GOLIM4: variants seen among roughly 807,000 people sequenced by gnomAD.
The protein encoded by GOLIM4 is golgi integral membrane protein 4, also known as 130 kDa golgi-localized phosphoprotein.
In GOLIM4, 71 loss-of-function variants were observed where a neutral mutation model predicts 107.4. That is an observed-to-expected ratio of 0.66 (90% CI 0.55 to 0.81). The LOEUF (loss-of-function observed/expected upper bound fraction) is 0.81, where lower values mean the gene tolerates loss of function less well. Ranked by LOEUF, GOLIM4 falls within the 30% of genes least tolerant of loss-of-function variation. GOLIM4 has a pLI of 0.00. For synonymous variants in GOLIM4, 327 were observed against 294.8 expected, an observed-to-expected ratio of 1.11 and a Z score of -1.12; for missense variants, 830 against 826.1, an observed-to-expected ratio of 1.00 and a Z score of -0.06.
At chr3:168,063,955 A>C (rs1720412902) in intron 1 of GOLIM4, among the ~76,000 whole-genome samples, 1 of 152,166 alleles carries the variant, frequency 6.6e-6, no homozygotes, top group South Asian at 2.1e-4. Flanking sequence ...ACTTCTGAGG[A>C]TGATGTGACA....
chr3:168,035,305 G>A (rs185992197), intron 8 of GOLIM4, among the ~76,000 whole-genome samples: 2 of 152,234 alleles, frequency 1.3e-5, no homozygotes, highest in East Asian at 1.9e-4. Context: ...CCCATTACTG[G>A]GTATATGCCC....
At chr3:168,044,311 C>T (rs1719183940) in intron 4 of GOLIM4, among the ~76,000 whole-genome samples, 2 of 152,168 alleles carry the variant, frequency 1.3e-5, no homozygotes, top group African/African-American at 4.8e-5. Context: ...CCCGTCTCTT[C>T]CAGCTTGACA....
chr3:168,052,812 T>C (rs1719730463), intron 1 of GOLIM4, among the ~76,000 whole-genome samples: 1 of 152,198 alleles, frequency 6.6e-6, no homozygotes, highest in Non-Finnish European at 1.5e-5. Flanking sequence ...TCAGTCAAGA[T>C]GAACTAATGC....
At chr3:168,059,757 G>C (rs1720158071) in intron 1 of GOLIM4, among the ~76,000 whole-genome samples, 1 of 152,142 alleles carries the variant, frequency 6.6e-6, no homozygotes, top group South Asian at 2.1e-4. Context: ...GGGGAGAATG[G>C]GCCAGGCTGC....
chr3:168,070,545 C>T (rs749131003), intron 1 of GOLIM4, among the ~76,000 whole-genome samples: 1 of 152,178 alleles, frequency 6.6e-6, no homozygotes, highest in Non-Finnish European at 1.5e-5. Context: ...AAGTAATTTT[C>T]TATCTGGTGA....
At chr3:168,037,064 A>ATCTATGAATGCC in intron 7 of GOLIM4, 70 bp from the exon 8 acceptor site, 92 of 1,004,610 alleles carry the variant, frequency 9.2e-5, no homozygotes, top group Non-Finnish European at 1.1e-4. Flanking sequence ...ATTTGGGTAC[A>ATCTATGAATGCC]CTGTAAAACT....
At chr3:168,092,458 G>C (rs1162152879) in intron 1 of GOLIM4, among the ~76,000 whole-genome samples, 1 of 152,150 alleles carries the variant, frequency 6.6e-6, no homozygotes, top group African/African-American at 2.4e-5. Context: ...ACTTTCAAAG[G>C]AATCTATGGA....
chr3:168,022,444 C>G (rs1169742863), intron 14 of GOLIM4, among the ~76,000 whole-genome samples: 1 of 152,062 alleles, frequency 6.6e-6, no homozygotes, highest in Admixed American at 6.5e-5. Context: ...ATAAACAATG[C>G]AGTATGTGTT....
intron 1 of GOLIM4, among the ~76,000 whole-genome samples, chr3:168,088,999 T>C (rs1721763213): frequency 6.6e-6 from 1 of 152,236 alleles, no homozygotes; most frequent in Non-Finnish European, 1.5e-5. Context: ...AGAGTTGGCA[T>C]GTTACATATT....
chr3:168,045,021 C>T (rs1322456628), intron 3 of GOLIM4, 140 bp from the exon 4 acceptor site: 3 of 535,284 alleles, frequency 5.6e-6, no homozygotes, highest in Non-Finnish European at 9.7e-6. Context: ...ACCAAGATGT[C>T]GCTGGAGCCA....
chr3:168,036,714 T>C (rs1718669819), intron 8 of GOLIM4, 122 bp downstream of exon 8: 1 of 697,566 alleles, frequency 1.4e-6, no homozygotes, highest in South Asian at 2.4e-5. Context: ...GCAATTCTGA[T>C]ATACTAAAAT....
At chr3:168,053,870 A>C (rs1719787213) in intron 1 of GOLIM4, among the ~76,000 whole-genome samples, 1 of 152,126 alleles carries the variant, frequency 6.6e-6, no homozygotes, top group Non-Finnish European at 1.5e-5. Flanking sequence ...AATACTGGAG[A>C]TCTCCTAGAA....
rs35124035 is a variant in GOLIM4, at chr3:168,055,801, C to CAAA, written c.188-7439_188-7437dup. 8.3e-3 allele frequency among the ~76,000 whole-genome samples: 867 copies of CAAA among 103,954 alleles called. 15 individuals carry two copies. The highest frequency in any genetic ancestry group is 0.021 in the African/African-American group (541 of 26,292). The allele number at this position is 103,954 out of a possible 152,430, so 68.2% of individuals were successfully genotyped here. A position where few individuals can be genotyped will look rare whatever the true frequency, so the allele number is the denominator to read the frequency against. ...TGGGCGACAGAGCAAGACTCTGTCTCAAAAAAAAAAAAAAAAGAGGTGACT... is the reference window on the plus strand; with the variant it reads ...TGGGCGACAGAGCAAGACTCTGTCTCAAAAAAAAAAAAAAAAAAAGAGGTGACT... On this transcript the variant is annotated intron_variant, in intron 1 of 15. Transcript: ENST00000470487.
Position 168,095,096 on chromosome 3 carries a change from T to C in GOLIM4, c.187+3A>G. On this transcript the variant is annotated splice_donor_region_variant and intron_variant, in intron 1 of 15. Transcript: ENST00000470487. ...CCGGCTGCGCGCGTCCCGTTAGCCG[T>C]ACCTTGTAACTGGGCGGAGAGGGAC... is the stretch of plus-strand genomic sequence containing the variant. 1 of 1,596,054 alleles carries C rather than the reference T, an allele frequency of 6.3e-7. No individual in the cohort carries two copies. Among genetic ancestry groups the C allele is most frequent in the Non-Finnish European group, 8.6e-7 (1 of 1,166,704 alleles).
chr3:168,010,042 T>A lies in GOLIM4; in HGVS notation c.*227A>T. On this transcript the variant is annotated 3_prime_UTR_variant, in exon 16 of 16. Coordinates refer to ENST00000470487, the MANE Select transcript of GOLIM4 (RefSeq NM_014498.5). ...GACGTGGGGGCTCAGGTTTACTTTA[T>A]TGTTTTTCTTCTTTTTCATGTTTAG... is the stretch of plus-strand genomic sequence containing the variant. The A allele has an allele frequency of 2.7e-6, 1 of 374,348 alleles. No individual in the cohort carries two copies. Among genetic ancestry groups the A allele is most frequent in the Non-Finnish European group, 4.7e-6 (1 of 213,952 alleles). The allele number at this position is 374,348 out of a possible 1,614,324, so 23.2% of individuals were successfully genotyped here.
chr3:168,086,470 C>A (rs964554238), intron 1 of GOLIM4, among the ~76,000 whole-genome samples: 1 of 152,110 alleles, frequency 6.6e-6, no homozygotes, highest in Non-Finnish European at 1.5e-5. Flanking sequence ...GAGATGTGAA[C>A]TGGAAAATGA....
At chr3:168,092,844 A>T (rs1721980866) in intron 1 of GOLIM4, among the ~76,000 whole-genome samples, 1 of 152,256 alleles carries the variant, frequency 6.6e-6, no homozygotes, top group African/African-American at 2.4e-5. Flanking sequence ...GAATCCACAA[A>T]AAACAAAAAC....
chr3:168,024,949 T>C lies in GOLIM4; in HGVS notation c.1770A>G (p.Thr590=), dbSNP rs769402590. 4.3e-6 allele frequency: 7 copies of C among 1,613,968 alleles called. No homozygotes were observed. The highest frequency in any genetic ancestry group is 5.9e-6 in the Non-Finnish European group (7 of 1,179,948). Residue 590 remains threonine, a synonymous_variant, in exon 13 of 16, where the codon ACA becomes ACG. Coordinates refer to ENST00000470487, the MANE Select transcript of GOLIM4 (RefSeq NM_014498.5). The stretch of plus-strand genomic sequence containing the variant: ...TTACCACCAAATGTTCCTCCACTTC[T>C]GTATTCTCTTGCTTTTGATTACTTT... ...QKQSNQKQEN[T]EVEEHLVMAG...
chr3:168,080,764 C>T (rs1721320112), intron 1 of GOLIM4, among the ~76,000 whole-genome samples: 2 of 152,116 alleles, frequency 1.3e-5, no homozygotes, highest in Non-Finnish European at 1.5e-5. Context: ...GGACTTTCCC[C>T]ACAACGTTGG....
Sources: allele counts gnomAD v4.1 joint callset (sites outside exome capture counted in the v4.1 genomes callset), GRCh38; gene constraint gnomAD v4.1.1; transcripts MANE v1.5; gene names NCBI Gene and HGNC (gene_info 2026-07-23, HGNC 2026-07-21).